Variants in HS6ST2 observed in about 807,000 individuals in gnomAD.
The protein encoded by HS6ST2 is heparan-sulfate 6-O-sulfotransferase 2.
HS6ST2 carries 17 observed loss-of-function variants against 33.0 expected under a neutral mutation model. That is an observed-to-expected ratio of 0.52 (90% confidence interval 0.35 to 0.77). The LOEUF is 0.77. Ranked by LOEUF, HS6ST2 falls within the 30% of genes least tolerant of loss-of-function variation. The probability of loss-of-function intolerance (pLI) is 0.01; values close to 1 mark genes in which losing one functional copy is unlikely to be tolerated. For synonymous variants in HS6ST2, 248 were observed against 237.1 expected (o/e 1.05, Z -0.42); for missense variants, 519 against 551.7 (o/e 0.94, Z 0.59).
At chrX:132,763,918 C>A (rs565462064) in intron 2 of HS6ST2, among the ~76,000 whole-genome samples, 138 of 112,646 alleles carry the variant, frequency 1.2e-3, no homozygotes, top group African/African-American at 4.2e-3. Context: ...AGTGTGTGCC[C>A]TGACAGATAG....
intron 3 of HS6ST2, among the ~76,000 whole-genome samples, chrX:132,673,154 C>A (rs917286876): frequency 6.2e-5 from 7 of 112,513 alleles, no homozygotes; most frequent in Admixed American, 4.7e-4. Flanking sequence ...TTATTGTCTA[C>A]ATATCTTTTA....
chrX:132,719,007 G>T (rs5977738), intron 2 of HS6ST2, among the ~76,000 whole-genome samples: 5 of 110,145 alleles, frequency 4.5e-5, no homozygotes, highest in Admixed American at 2.9e-4. Flanking sequence ...GTTAACCAAG[G>T]GGGGGAAGAA....
At chrX:132,912,363 T>G (rs1303521060) in intron 2 of HS6ST2, among the ~76,000 whole-genome samples, 2 of 112,707 alleles carry the variant, frequency 1.8e-5, no homozygotes, top group Non-Finnish European at 3.7e-5. Context: ...GCTGCCCCAG[T>G]GTTGGTCCTA....
chrX:132,722,883 A>G (rs1440764513), intron 2 of HS6ST2, among the ~76,000 whole-genome samples: 4 of 66,878 alleles, frequency 6.0e-5, no homozygotes, highest in Non-Finnish European at 1.1e-4. Context: ...AAATAAAAAA[A>G]CAAAAAAAAA....
intron 2 of HS6ST2, among the ~76,000 whole-genome samples, chrX:132,923,549 CT>C (rs1266328712): frequency 8.9e-6 from 1 of 111,982 alleles, no homozygotes; most frequent in Non-Finnish European, 1.9e-5. Flanking sequence ...GATGTATTTT[CT>C]GGCAATATAT....
intron 2 of HS6ST2, among the ~76,000 whole-genome samples, chrX:132,735,925 C>T (rs971556318): frequency 1.3e-4 from 15 of 111,308 alleles, no homozygotes; most frequent in South Asian, 3.8e-4. Context: ...CTACAAACTC[C>T]ACCTCCTGGG....
At position 132,942,627 on chromosome X, in the gene HS6ST2, C is replaced by T. The variant is rs910292810; in HGVS notation, c.947+14181G>A. 6.3e-5 allele frequency among the ~76,000 whole-genome samples: 7 copies of T among 111,795 alleles called. 1 individual carries two copies. Among genetic ancestry groups the T allele is most frequent in the Admixed American group, 2.9e-4 (3 of 10,523 alleles). On this transcript the variant is annotated intron_variant, in intron 2 of 4. Coordinates refer to ENST00000370833, the MANE Select transcript of HS6ST2 (RefSeq NM_001394073.1). ...GGATTCATTTCATCTAGGACTCCTCCCTTGGTTTTTGAAAGAAAGCATCTT... is the reference window on the plus strand; with the variant it reads ...GGATTCATTTCATCTAGGACTCCTCTCTTGGTTTTTGAAAGAAAGCATCTT...
intron 2 of HS6ST2, among the ~76,000 whole-genome samples, chrX:132,871,098 C>G (rs1480347943): frequency 1.8e-5 from 2 of 111,854 alleles, no homozygotes; most frequent in African/African-American, 6.5e-5. Context: ...ACAACCCCAT[C>G]AAAAAGTGGG....
At chrX:132,713,095 A>T (rs2148254775) in intron 2 of HS6ST2, among the ~76,000 whole-genome samples, 1 of 111,279 alleles carries the variant, frequency 9.0e-6, no homozygotes, top group Admixed American at 9.5e-5. Flanking sequence ...TACACTGGTG[A>T]TGATCACCAT....
chrX:132,690,003 C>T (rs533883116), intron 3 of HS6ST2, among the ~76,000 whole-genome samples: 1 of 111,595 alleles, frequency 9.0e-6, no homozygotes, highest in African/African-American at 3.3e-5. Flanking sequence ...CTTAAAGCAA[C>T]GGTTGACAAA....
chrX:132,730,712 C>T (rs2064449088), intron 2 of HS6ST2, among the ~76,000 whole-genome samples: 1 of 112,264 alleles, frequency 8.9e-6, no homozygotes, highest in East Asian at 2.8e-4. Context: ...TCACTCTGCT[C>T]GGAAGGGGTG....
chrX:132,877,193 A>G (rs942812588), intron 2 of HS6ST2, among the ~76,000 whole-genome samples: 2 of 112,017 alleles, frequency 1.8e-5, no homozygotes, highest in Admixed American at 1.9e-4. Context: ...TCCAGGCAAC[A>G]TTTATTAAAC....
At chrX:132,689,543 C>T (rs57262753) in intron 3 of HS6ST2, among the ~76,000 whole-genome samples, 3 of 111,881 alleles carry the variant, frequency 2.7e-5, no homozygotes, top group African/African-American at 9.8e-5. Flanking sequence ...TACTGGGAAG[C>T]TTAATATTAC....
chrX:132,680,864 TG>T (rs1218649108), intron 3 of HS6ST2, among the ~76,000 whole-genome samples: 6 of 110,518 alleles, frequency 5.4e-5, no homozygotes, highest in Admixed American at 1.9e-4. Context: ...CTGGGCATGG[TG>T]GTGGGTGCCT....
intron 2 of HS6ST2, among the ~76,000 whole-genome samples, chrX:132,893,707 T>C (rs1169454791): frequency 1.8e-5 from 2 of 111,695 alleles, no homozygotes; most frequent in Non-Finnish European, 3.8e-5. Context: ...TGCCAAGATC[T>C]GCCTGAAGCC....
intron 2 of HS6ST2, among the ~76,000 whole-genome samples, chrX:132,922,958 G>A (rs1038736651): frequency 4.6e-5 from 5 of 107,712 alleles, no homozygotes; most frequent in Non-Finnish European, 5.7e-5. Context: ...AGCTAGTTGG[G>A]ACGCTGAGAC....
chrX:132,925,305 T>C, intron 2 of HS6ST2, among the ~76,000 whole-genome samples: 1 of 111,540 alleles, frequency 9.0e-6, no homozygotes, highest in East Asian at 2.8e-4. Context: ...GTATCCTTTC[T>C]TAAATAATAA....
chrX:132,692,472 A>G (rs2064073655), intron 3 of HS6ST2, among the ~76,000 whole-genome samples: 1 of 110,729 alleles, frequency 9.0e-6, no homozygotes, highest in Non-Finnish European at 1.9e-5. Context: ...TGACAACCGT[A>G]CGCAGCTCCT....
chrX:132,827,643 G>T (rs868023547), intron 2 of HS6ST2, among the ~76,000 whole-genome samples: 2 of 111,244 alleles, frequency 1.8e-5, no homozygotes, highest in Middle Eastern at 4.6e-3. Context: ...ATATTAAATG[G>T]ATTATTACAT....
Sources: gnomAD v4.1 joint callset for allele counts (sites outside exome capture counted in the v4.1 genomes callset) on GRCh38, gnomAD v4.1.1 for gene constraint, MANE v1.5 for transcripts, NCBI Gene and HGNC (gene_info 2026-07-23, HGNC 2026-07-21) for gene names.